Variants in CYP1A1 observed in about 807,000 individuals in gnomAD.
CYP1A1 encodes cytochrome P450 1A1.
A neutral mutation model predicts 33.6 loss-of-function variants in CYP1A1; 43 were observed. The observed-to-expected ratio is 1.28, with a 90% confidence interval of 1.00 to 1.65. CYP1A1 has a LOEUF of 1.65. Ranked by LOEUF, CYP1A1 falls within the 40% of genes most tolerant of loss-of-function variation. The pLI, the probability that CYP1A1 is intolerant of heterozygous loss-of-function variation, is 0.00. For missense variants in CYP1A1, 637 were observed against 653.7 expected, an observed-to-expected ratio of 0.97 and a Z score of 0.28; for synonymous variants, 280 against 257.8, an observed-to-expected ratio of 1.09 and a Z score of -0.83.
chr15:74,724,959 C>A (rs749833139), intron 1 of CYP1A1, among the ~76,000 whole-genome samples: 2 of 152,136 alleles, frequency 1.3e-5, no homozygotes, highest in Admixed American at 1.3e-4. Flanking sequence ...GACAAGCCAC[C>A]CTTAGGAGGG....
rs562320041 is a variant in CYP1A1, at chr15:74,721,109, C to T, written c.1167-56G>A. Reference sequence around the variant, plus strand: ...GGGCAACAGGCAAATCTCCCTGTCTCCCATGCCGTGTCCCTCCCACTAACC... The same window carrying T: ...GGGCAACAGGCAAATCTCCCTGTCTTCCATGCCGTGTCCCTCCCACTAACC... On this transcript the variant is annotated intron_variant, in intron 5 of 6. Coordinates refer to ENST00000379727, the MANE Select transcript of CYP1A1 (RefSeq NM_001319217.2). 46 of 1,611,272 alleles carry T rather than the reference C, an allele frequency of 2.9e-5. No individual in the cohort carries two copies. In the South Asian group the frequency reaches 4.6e-4, roughly 16 times the overall value.
chr15:74,722,037 T>C, intron 2 of CYP1A1: 2 of 594,928 alleles, frequency 3.4e-6, no homozygotes, highest in Non-Finnish European at 5.9e-6. Context: ...CCCAGGGTCC[T>C]GCATGTAATG....
intron 4 of CYP1A1, 43 bp from the exon 5 acceptor site, chr15:74,721,365 C>T: frequency 1.2e-6 from 2 of 1,613,990 alleles, no homozygotes; most frequent in Non-Finnish European, 8.5e-7. Context: ...GCTGCCTAGA[C>T]CTGGCCAGAC....
In CYP1A1 at chr15:74,723,130, A is replaced by G. The variant is rs28399425; in HGVS notation, c.-29-4T>C. ...GTAGGGATCTTGGAGGTGGCTGCTG[A>G]GAGAAGGTGCAGGAAGAAAAAAAGT... On this transcript the variant is annotated splice_region_variant and splice_polypyrimidine_tract_variant and intron_variant, in intron 1 of 6. Transcript: ENST00000379727. 4.3e-4 allele frequency: 642 copies of G among 1,489,078 alleles called. 2 individuals carry two copies. In the East Asian group the frequency reaches 0.014, roughly 32 times the overall value. The allele number at this position is 1,489,078 out of a possible 1,614,324, so 92.2% of individuals were successfully genotyped here.
rs755649144 is a variant in CYP1A1 at position 74,722,668 on chromosome 15, T to G, written c.430A>C (p.Ser144Arg). The G allele has an allele frequency of 1.9e-6, 3 of 1,613,776 alleles. No individual in the cohort carries two copies. In the Admixed American group the frequency reaches 5.0e-5, roughly 27 times the overall value. The change falls in exon 2 of 7, where the codon AGT (serine) becomes CGT (arginine). Residue 144 changes from serine (S) to arginine (R), a missense_variant. Physicochemically the swap from Ser to Arg is moderately radical, Grantham distance 110. Transcript: ENST00000379727. ...GCTGGGTCAGAGGCAATGGAGAAAC[T>G]TTTCAGGCCATTCTGGGCCAGGCGC... is the stretch of plus-strand genomic sequence containing the variant. ...RRRLAQNGLK[S>R]FSIASDPASS...
chr15:74,722,657 A>G lies in CYP1A1; in HGVS notation c.441T>C (p.Ile147=). 1.2e-6 allele frequency: 2 copies of G among 1,613,938 alleles called. No individual in the cohort carries two copies. The highest frequency in any genetic ancestry group is 1.1e-5 in the South Asian group (1 of 91,080). ...LAQNGLKSFS[I]ASDPASSTSC... ...AGGTTGAGGAGGCTGGGTCAGAGGC[A>G]ATGGAGAAACTTTTCAGGCCATTCT... Residue 147 remains isoleucine (I), a synonymous_variant, in exon 2 of 7, where the codon ATT becomes ATC. Transcript: ENST00000379727.
Position 74,721,271 on chromosome 15 carries a change from A to C in CYP1A1, c.1094T>G (p.Leu365Arg). 1 of 1,613,904 alleles carries C rather than the reference A, an allele frequency of 6.2e-7. No individual in the cohort carries two copies. The highest frequency in any genetic ancestry group is 8.5e-7 in the Non-Finnish European group (1 of 1,179,900). Residue 365 changes from leucine (L) to arginine (R), a missense_variant, in exon 5 of 7, where the codon CTG (leucine) becomes CGG (arginine). Leu to Arg is a moderately radical substitution (Grantham distance 102). Transcript: ENST00000379727. Reference protein sequence around the residue: ...RRPRLSDRSHLPYMEAFILET... With the variant: ...RRPRLSDRSHRPYMEAFILET... ...CAGGATGAAGGCCTCCATATAGGGCAGATGGGATCTGTCAGAGAGCCGGGG... is the reference window on the plus strand; with the variant it reads ...CAGGATGAAGGCCTCCATATAGGGCCGATGGGATCTGTCAGAGAGCCGGGG...
At chr15:74,724,383 A>G (rs2063198827) in intron 1 of CYP1A1, among the ~76,000 whole-genome samples, 1 of 152,142 alleles carries the variant, frequency 6.6e-6, no homozygotes, top group Non-Finnish European at 1.5e-5. Context: ...CAGTAGACCC[A>G]ACATTCTAGT....
chr15:74,720,580 G>A lies in CYP1A1; in HGVS notation c.1448C>T (p.Pro483Leu). ...GGTCATGTCCACCTTCACGCCCAGT[G>A]GCACGCTGAATTCCACCCGTTGCAG... Reference protein sequence around the residue: ...ILLQRVEFSVPLGVKVDMTPI... With the variant: ...ILLQRVEFSVLLGVKVDMTPI... Residue 483 changes from proline (P) to leucine (L), a missense_variant, in exon 7 of 7, where the codon CCA (proline) becomes CTA (leucine). Coordinates refer to ENST00000379727, the MANE Select transcript of CYP1A1 (RefSeq NM_001319217.2). The A allele has an allele frequency of 6.2e-7, 1 of 1,613,764 alleles. No homozygotes were observed. The highest frequency in any genetic ancestry group is 8.5e-7 in the Non-Finnish European group (1 of 1,179,820).
Position 74,723,085 on chromosome 15 carries a change from T to C in CYP1A1, c.13A>G (p.Ile5Val), listed in dbSNP as rs757606619. 26 of 1,587,432 alleles carry C rather than the reference T, an allele frequency of 1.6e-5. No individual in the cohort carries two copies. The highest frequency in any genetic ancestry group is 2.1e-5 in the Non-Finnish European group (24 of 1,164,676). The change falls in exon 2 of 7, where the codon ATC becomes GTC. Residue 5 changes from isoleucine to valine, a missense_variant. Transcript: ENST00000379727. MLFPISMSATEFLLA... is the reference protein window; with the variant it reads MLFPVSMSATEFLLA... ...AGAAACTCCGTGGCCGACATGGAGA[T>C]TGGGAAAAGCATGATCAGTGTAGGG...
Position 74,722,897 on chromosome 15 carries a change from G to A in CYP1A1, c.201C>T (p.Ser67=), listed in dbSNP as rs749328902. 5.6e-6 allele frequency: 9 copies of A among 1,614,166 alleles called. No homozygotes were observed. The highest frequency in any genetic ancestry group is 6.8e-6 in the Non-Finnish European group (8 of 1,180,038). The change falls in exon 2 of 7, where the codon AGC becomes AGT. Residue 67 remains serine (S), a synonymous_variant. Coordinates refer to ENST00000379727, the MANE Select transcript of CYP1A1 (RefSeq NM_001319217.2). ...TCTGCAGCACGTCCCCATACTGCTG[G>A]CTCATCCTTGACAGTGCCAGGTGCG... ...KNPHLALSRM[S]QQYGDVLQIR... is the part of the protein sequence containing the mutation.
chr15:74,720,605 G>A lies in CYP1A1; in HGVS notation c.1423C>T (p.Leu475=), dbSNP rs1567195167. The A allele has an allele frequency of 2.5e-6, 4 of 1,614,162 alleles. No individual in the cohort carries two copies. Among genetic ancestry groups the A allele is most frequent in the Middle Eastern group, 1.7e-4 (1 of 6,060 alleles). The change falls in exon 7 of 7, where the codon CTG becomes TTG. Residue 475 remains leucine (L), a synonymous_variant. Transcript: ENST00000379727. The part of the protein sequence containing the change: ...WEVFLFLAIL[L]QRVEFSVPLG... The stretch of plus-strand genomic sequence containing the variant: ...GGCACGCTGAATTCCACCCGTTGCA[G>A]CAGGATAGCCAGGAAGAGAAAGACC...
rs755133321 is a variant in CYP1A1, at chr15:74,723,072, G to A, written c.26C>T (p.Ala9Val). 1.3e-6 allele frequency: 2 copies of A among 1,595,422 alleles called. No individual in the cohort carries two copies. The highest frequency in any genetic ancestry group is 1.7e-5 in the Admixed American group (1 of 58,160). The change falls in exon 2 of 7, where the codon GCC (alanine) becomes GTC (valine). Residue 9 changes from alanine to valine, a missense_variant. Coordinates refer to ENST00000379727, the MANE Select transcript of CYP1A1 (RefSeq NM_001319217.2). MLFPISMS[A>V]TEFLLASVIF... is the part of the protein sequence containing the mutation. ...GACAGAGGCCAGAAGAAACTCCGTG[G>A]CCGACATGGAGATTGGGAAAAGCAT...
chr15:74,722,236 G>T, intron 2 of CYP1A1, 37 bp downstream of exon 2: 3 of 1,553,712 alleles, frequency 1.9e-6, no homozygotes, highest in South Asian at 1.2e-5. Flanking sequence ...GATGCCATCT[G>T]CTTCCCACCA....
In CYP1A1 at chr15:74,722,881, C is replaced by T. The variant is rs373568981; in HGVS notation, c.217G>A (p.Val73Met). 7.4e-6 allele frequency: 12 copies of T among 1,614,164 alleles called. No homozygotes were observed. The highest frequency in any genetic ancestry group is 2.2e-5 in the East Asian group (1 of 44,884). ...LSRMSQQYGD[V>M]LQIRIGSTPV... Reference sequence around the variant, plus strand: ...GTGGAGCCAATTCGGATCTGCAGCACGTCCCCATACTGCTGGCTCATCCTT... The same window carrying T: ...GTGGAGCCAATTCGGATCTGCAGCATGTCCCCATACTGCTGGCTCATCCTT... Residue 73 changes from valine (V) to methionine (M), a missense_variant, in exon 2 of 7, where the codon GTG (valine) becomes ATG (methionine). Val to Met is a conservative substitution (Grantham distance 21, BLOSUM62 1). Transcript: ENST00000379727.
intron 1 of CYP1A1, 118 bp from the exon 2 acceptor site, chr15:74,723,244 T>C (rs1007321699): frequency 9.9e-6 from 6 of 604,302 alleles, no homozygotes; most frequent in East Asian, 2.8e-5. Flanking sequence ...TTACTGGGCA[T>C]GAAGAAGAGG....
intron 1 of CYP1A1, among the ~76,000 whole-genome samples, chr15:74,723,973 T>G (rs1246038857): frequency 6.6e-6 from 1 of 152,162 alleles, no homozygotes; most frequent in Non-Finnish European, 1.5e-5. Context: ...GAGGAAGAGA[T>G]AGGGGACAGG....
Position 74,722,972 on chromosome 15 carries a change from C to T in CYP1A1, c.126G>A (p.Gly42=). 1.2e-6 allele frequency: 2 copies of T among 1,614,194 alleles called. No homozygotes were observed. Among genetic ancestry groups the T allele is most frequent in the Non-Finnish European group, 1.7e-6 (2 of 1,180,026 alleles). ...QVPKGLKNPP[G]PWGWPLIGHM... ...GCCCAATCAGAGGCCAGCCCCATGG[C>T]CCTGGTGGATTCTTCAGGCCTTTGG... The change falls in exon 2 of 7, where the codon GGG becomes GGA. Residue 42 remains glycine, a synonymous_variant. Coordinates refer to ENST00000379727, the MANE Select transcript of CYP1A1 (RefSeq NM_001319217.2).
In CYP1A1 at chr15:74,720,641, C is replaced by T. The variant is rs141177861; in HGVS notation, c.1387G>A (p.Ala463Thr). The T allele has an allele frequency of 1.9e-6, 3 of 1,614,178 alleles. No individual in the cohort carries two copies. The highest frequency in any genetic ancestry group is 1.6e-4 in the Middle Eastern group (1 of 6,062). Reference protein sequence around the residue: ...GKRKCIGETIARWEVFLFLAI... With the variant: ...GKRKCIGETITRWEVFLFLAI... ...AGGAAGAGAAAGACCTCCCAGCGGG[C>T]AATGGTCTCACCGATACACTTCCGC... The change falls in exon 7 of 7, where the codon GCC becomes ACC. Residue 463 changes from alanine (A) to threonine (T), a missense_variant. By Grantham distance (58) the Ala-to-Thr change is moderately conservative. Coordinates refer to ENST00000379727, the MANE Select transcript of CYP1A1 (RefSeq NM_001319217.2).
Sources: allele counts gnomAD v4.1 joint callset (sites outside exome capture counted in the v4.1 genomes callset), GRCh38; gene constraint gnomAD v4.1.1; transcripts MANE v1.5; gene names NCBI Gene and HGNC (gene_info 2026-07-23, HGNC 2026-07-21).